The following EBF1 variants were observed in gnomAD, a reference collection of about 807,000 sequenced individuals.
EBF1 encodes the protein EBF transcription factor 1, also known as transcription factor COE1.
EBF1 carries 10 observed loss-of-function variants against 68.4 expected under a neutral mutation model. That is an observed-to-expected ratio of 0.15 (90% CI 0.09 to 0.25). EBF1 has a LOEUF of 0.25. EBF1 is among the 10% of genes least tolerant of loss of function. The pLI is 1.00. For missense variants in EBF1, 509 were observed against 794.4 expected (o/e 0.64, Z 4.32); for synonymous variants, 298 against 299.8 (o/e 0.99, Z 0.06).
intron 8 of EBF1, among the ~76,000 whole-genome samples, chr5:158,818,880 C>T (rs1029087024): frequency 6.6e-6 from 1 of 150,694 alleles, no homozygotes; most frequent in Non-Finnish European, 1.5e-5. Flanking sequence ...CTAATAGTTC[C>T]ATTGTTTTTT....
intron 15 of EBF1, among the ~76,000 whole-genome samples, chr5:158,702,075 C>T (rs1756883900): frequency 6.6e-6 from 1 of 152,204 alleles, no homozygotes; most frequent in East Asian, 1.9e-4. Context: ...AAATCCCAAT[C>T]ATGACTTCCT....
At chr5:159,072,896 G>A (rs531752761) in intron 6 of EBF1, among the ~76,000 whole-genome samples, 83 of 152,028 alleles carry the variant, frequency 5.5e-4, no homozygotes, top group Non-Finnish European at 1.1e-3. Context: ...AATCAAATCC[G>A]GCAAATAACA....
chr5:158,999,901 T>C (rs1762191925), intron 6 of EBF1, among the ~76,000 whole-genome samples: 1 of 152,248 alleles, frequency 6.6e-6, no homozygotes, highest in African/African-American at 2.4e-5. Flanking sequence ...CAGAAAGCTG[T>C]TGATACATCC....
At chr5:158,808,646 T>C (rs553500793) in intron 8 of EBF1, among the ~76,000 whole-genome samples, 1 of 152,208 alleles carries the variant, frequency 6.6e-6, no homozygotes, top group Admixed American at 6.5e-5. Context: ...CATAGGATTG[T>C]TGTAAGGTTT....
At chr5:158,831,595 G>C (rs1232033513) in intron 7 of EBF1, among the ~76,000 whole-genome samples, 3 of 152,188 alleles carry the variant, frequency 2.0e-5, no homozygotes, top group Non-Finnish European at 4.4e-5. Context: ...ATGATTCCTA[G>C]GTGGGAGATA....
chr5:158,720,331 A>C (rs1038009207), intron 11 of EBF1, among the ~76,000 whole-genome samples: 1 of 152,174 alleles, frequency 6.6e-6, no homozygotes, highest in Non-Finnish European at 1.5e-5. Context: ...AGTTTCTTGC[A>C]GCCCATTTCC....
At chr5:158,970,849 T>A (rs140843852) in intron 6 of EBF1, among the ~76,000 whole-genome samples, 1 of 152,214 alleles carries the variant, frequency 6.6e-6, no homozygotes, top group East Asian at 1.9e-4. Context: ...TCCAACCATA[T>A]TCCTCTCACT....
chr5:158,867,454 C>T (rs555983985), intron 6 of EBF1, among the ~76,000 whole-genome samples: 38 of 152,248 alleles, frequency 2.5e-4, no homozygotes, highest in Non-Finnish European at 4.0e-4. Context: ...CTTTAACTGG[C>T]GACCCTTTTT....
chr5:158,848,712 G>A lies in EBF1; in HGVS notation c.555-8602C>T, dbSNP rs59008187. Reference sequence around the variant, plus strand: ...AGCCAGGGGTTGAAAATGAAAGGCTGTTAATATCTCCTTGTTCAGTACATA... The same window carrying A: ...AGCCAGGGGTTGAAAATGAAAGGCTATTAATATCTCCTTGTTCAGTACATA... On this transcript the variant is annotated intron_variant, in intron 6 of 15. Transcript: ENST00000313708. 1.4e-3 allele frequency among the ~76,000 whole-genome samples: 210 copies of A among 152,352 alleles called. 1 individual carries two copies. Among genetic ancestry groups the A allele is most frequent in the African/African-American group, 4.8e-3 (201 of 41,588 alleles).
chr5:158,859,462 T>C (rs980098719), intron 6 of EBF1, among the ~76,000 whole-genome samples: 4 of 152,188 alleles, frequency 2.6e-5, no homozygotes. Context: ...TTTCTTACAA[T>C]TCTGAGGTCA....
intron 6 of EBF1, among the ~76,000 whole-genome samples, chr5:159,020,995 T>C (rs948154788): frequency 2.0e-5 from 3 of 152,264 alleles, no homozygotes; most frequent in African/African-American, 4.8e-5. Context: ...ACCCTTGACC[T>C]CTTCCCGAGA....
At chr5:158,822,623 G>A (rs1785113279) in intron 8 of EBF1, among the ~76,000 whole-genome samples, 3 of 152,194 alleles carry the variant, frequency 2.0e-5, no homozygotes. Context: ...ACAGGGCACA[G>A]GAGGGACATT....
Position 158,892,942 on chromosome 5 carries a change from A to G in EBF1, c.555-52832T>C, listed in dbSNP as rs138305830. Reference sequence around the variant, plus strand: ...TAACCCTTACTTTATACATAAGGTTATTCCTTTGGCTTCATTTCTGCTAGC... The same window carrying G: ...TAACCCTTACTTTATACATAAGGTTGTTCCTTTGGCTTCATTTCTGCTAGC... On this transcript the variant is annotated intron_variant, in intron 6 of 15. Transcript: ENST00000313708. Among the ~76,000 whole-genome samples, 559 of 152,196 alleles carry G rather than the reference A, an allele frequency of 3.7e-3. 5 individuals carry two copies. Among genetic ancestry groups the G allele is most frequent in the African/African-American group, 0.013 (537 of 41,538 alleles).
At chr5:159,043,696 A>G (rs2127784620) in intron 6 of EBF1, among the ~76,000 whole-genome samples, 1 of 152,344 alleles carries the variant, frequency 6.6e-6, no homozygotes, top group South Asian at 2.1e-4. Context: ...AGAGAGAGAG[A>G]CCAAAATAAG....
intron 6 of EBF1, among the ~76,000 whole-genome samples, chr5:158,935,703 C>A (rs926942849): frequency 1.3e-5 from 2 of 152,186 alleles, no homozygotes; most frequent in African/African-American, 4.8e-5. Flanking sequence ...TGAGCCATTT[C>A]TTGGCTGGAG....
At position 159,034,600 on chromosome 5, in the gene EBF1, T is replaced by C. The variant is rs181811527; in HGVS notation, c.554+38796A>G. 3.5e-3 allele frequency among the ~76,000 whole-genome samples: 532 copies of C among 152,188 alleles called. 3 individuals are homozygous for C. The highest frequency in any genetic ancestry group is 0.012 in the African/African-American group (506 of 41,506). ...GCGAGGCCTGACAGAGGAGAGAGTA[T>C]TTTATATTTATTTTATTGAATTAAC... On this transcript the variant is annotated intron_variant, in intron 6 of 15. Transcript: ENST00000313708.
chr5:158,821,009 G>GC (rs1056636518), intron 8 of EBF1, among the ~76,000 whole-genome samples: 9 of 152,070 alleles, frequency 5.9e-5, no homozygotes, highest in Admixed American at 4.6e-4. Flanking sequence ...GGAACATCTG[G>GC]CCCCACTTGG....
At chr5:158,844,549 T>A (rs976154306) in intron 6 of EBF1, among the ~76,000 whole-genome samples, 3 of 152,242 alleles carry the variant, frequency 2.0e-5, no homozygotes, top group Non-Finnish European at 4.4e-5. Flanking sequence ...CTCCTCATTT[T>A]GCCTATGAGA....
At chr5:158,761,842 T>C (rs1771527964) in intron 10 of EBF1, among the ~76,000 whole-genome samples, 1 of 152,210 alleles carries the variant, frequency 6.6e-6, no homozygotes, top group South Asian at 2.1e-4. Context: ...GCTGTTTTAT[T>C]ACATTAAGGT....
Sources: gnomAD v4.1 joint callset for allele counts (sites outside exome capture counted in the v4.1 genomes callset) on GRCh38, gnomAD v4.1.1 for gene constraint, MANE v1.5 for transcripts, NCBI Gene and HGNC (gene_info 2026-07-23, HGNC 2026-07-21) for gene names.